The following PCDHGA5 variants were observed in gnomAD, a reference collection of about 807,000 sequenced individuals.
The protein encoded by PCDHGA5 is protocadherin gamma subfamily A, 5.
PCDHGA5 carries 36 observed loss-of-function variants against 56.7 expected under a neutral mutation model. The observed-to-expected ratio is 0.64, with a 90% CI of 0.49 to 0.84. PCDHGA5 has a LOEUF of 0.84. Ranked by LOEUF, PCDHGA5 falls within the 40% of genes least tolerant of loss-of-function variation. The probability of loss-of-function intolerance (pLI) is 0.00; values close to 1 mark genes in which losing one functional copy is unlikely to be tolerated. For synonymous variants in PCDHGA5, 563 were observed against 520.2 expected, an observed-to-expected ratio of 1.08 and a Z score of -1.12; for missense variants, 1,305 against 1,201.5, an observed-to-expected ratio of 1.09 and a Z score of -1.27.
At chr5:141,383,770 A>T (rs776707003) in intron 1 of PCDHGA5, 11 of 1,613,890 alleles carry the variant, frequency 6.8e-6, no homozygotes, top group Non-Finnish European at 8.5e-6. Flanking sequence ...ACTTCCAAAG[A>T]TGTTTCATCT....
chr5:141,480,137 A>G (rs1183663599), intron 1 of PCDHGA5, among the ~76,000 whole-genome samples: 2 of 152,096 alleles, frequency 1.3e-5, no homozygotes, highest in Non-Finnish European at 2.9e-5. Context: ...CTGTTAAACA[A>G]TTATTAGCCA....
At chr5:141,403,226 C>T (rs1329726577) in intron 1 of PCDHGA5, 1 of 1,613,926 alleles carries the variant, frequency 6.2e-7, no homozygotes, top group South Asian at 1.1e-5. Flanking sequence ...TAGGATAGAC[C>T]GGGAGGAGCT....
intron 1 of PCDHGA5, chr5:141,387,764 A>T: frequency 7.0e-7 from 1 of 1,430,464 alleles, no homozygotes; most frequent in Non-Finnish European, 9.3e-7. Context: ...AAAAAGAAGA[A>T]TTTTTTCTTG....
At chr5:141,443,344 G>T (rs1016738767) in intron 1 of PCDHGA5, among the ~76,000 whole-genome samples, 2 of 151,966 alleles carry the variant, frequency 1.3e-5, no homozygotes, top group African/African-American at 2.4e-5. Context: ...AATTAACAAG[G>T]TTTAGTGGTC....
Position 141,365,919 on chromosome 5 carries a change from TGTG to T in PCDHGA5, c.1591_1593del (p.Trp531del), listed in dbSNP as rs1195562378. ...TATGAGCAGTTGAGAGACCTACAGT[TGTG>T]GGTGACAGCCAGCGACAGTGGGAAC... On this transcript the variant is annotated inframe_deletion, in exon 1 of 4. Coordinates refer to ENST00000518069, the MANE Select transcript of PCDHGA5 (RefSeq NM_018918.3). 6.2e-7 allele frequency: 1 copy of T among 1,614,178 alleles called. No homozygotes were observed. The highest frequency in any genetic ancestry group is 2.2e-5 in the East Asian group (1 of 44,878).
chr5:141,503,777 G>A (rs2099830497), intron 2 of PCDHGA5, among the ~76,000 whole-genome samples: 1 of 152,074 alleles, frequency 6.6e-6, no homozygotes, highest in South Asian at 2.1e-4. Context: ...TCTGTTCTTA[G>A]GCTGAGTTCA....
At chr5:141,388,939 A>G in intron 1 of PCDHGA5, 1 of 1,613,984 alleles carries the variant, frequency 6.2e-7, no homozygotes, top group Non-Finnish European at 8.5e-7. Flanking sequence ...TCTCTACCCA[A>G]CCTAATTATG....
chr5:141,393,103 C>A lies in PCDHGA5; in HGVS notation c.2421+26352C>A, dbSNP rs776552182. On this transcript the variant is annotated intron_variant, in intron 1 of 3. Coordinates refer to ENST00000518069, the MANE Select transcript of PCDHGA5 (RefSeq NM_018918.3). ...AGGATAGATCGGGAGGAGCTCTGCGCTCAGAGCCCGCGGTGTCTGATAAAT... is the reference window on the plus strand; with the variant it reads ...AGGATAGATCGGGAGGAGCTCTGCGATCAGAGCCCGCGGTGTCTGATAAAT... The A allele has an allele frequency of 3.2e-5, 51 of 1,613,464 alleles. No homozygotes were observed. Among genetic ancestry groups the A allele is most frequent in the South Asian group, 1.5e-4 (14 of 91,088 alleles).
Position 141,490,911 on chromosome 5 carries a change from G to C in PCDHGA5, c.2422-3896G>C. On this transcript the variant is annotated intron_variant, in intron 1 of 3. Coordinates refer to ENST00000518069, the MANE Select transcript of PCDHGA5 (RefSeq NM_018918.3). The surrounding 1 kb of genome is among the most constrained non-coding windows in gnomAD (Gnocchi z 5.4). ...CTCTGCATGTGTTTGTCCTAGACGA[G>C]AATGATAATGCCCCAGCTGTGCTGC... is the stretch of plus-strand genomic sequence containing the variant. The C allele has an allele frequency of 6.2e-7, 1 of 1,613,722 alleles. No homozygotes were observed. Among genetic ancestry groups the C allele is most frequent in the East Asian group, 2.2e-5 (1 of 44,870 alleles).
intron 1 of PCDHGA5, chr5:141,370,526 C>A: frequency 1.2e-6 from 2 of 1,613,860 alleles, no homozygotes; most frequent in Non-Finnish European, 8.5e-7. Flanking sequence ...TGGACAGGGG[C>A]TCGCTGGTAG....
chr5:141,390,723 A>G (rs2092214355), intron 1 of PCDHGA5: 1 of 196,804 alleles, frequency 5.1e-6, no homozygotes, highest in Non-Finnish European at 1.0e-5. Context: ...TAACTAATTT[A>G]ACTGGTATGG....
intron 1 of PCDHGA5, chr5:141,382,738 C>A (rs1464522704): frequency 1.7e-6 from 1 of 572,972 alleles, no homozygotes; most frequent in East Asian, 2.8e-5. Context: ...CACAGAGAAA[C>A]GACAGATTGC....
intron 1 of PCDHGA5, among the ~76,000 whole-genome samples, chr5:141,437,623 T>G (rs887878119): frequency 3.3e-5 from 5 of 152,172 alleles, no homozygotes; most frequent in Non-Finnish European, 7.4e-5. Context: ...TATCCCCATA[T>G]AAGATGTCAG....
At chr5:141,399,854 GC>G (rs1416380474) in intron 1 of PCDHGA5, 1 of 1,612,786 alleles carries the variant, frequency 6.2e-7, no homozygotes, top group Admixed American at 1.7e-5. Context: ...ATGGTGCCGC[GC>G]GCTGCAGAGC....
In PCDHGA5 at chr5:141,387,468, A is replaced by G. The variant is rs190489292; in HGVS notation, c.2421+20717A>G. On this transcript the variant is annotated intron_variant, in intron 1 of 3. Transcript: ENST00000518069. ...TACATGATTTGCCTAAAAATCCTCA[A>G]AGTTGGGATGAAGGCATTCCTAAGA... Among the ~76,000 whole-genome samples the G allele has an allele frequency of 3.6e-3, 554 of 152,350 alleles. 1 individual carries two copies. Among genetic ancestry groups the G allele is most frequent in the Non-Finnish European group, 6.0e-3 (405 of 68,034 alleles).
chr5:141,417,211 T>C (rs1027777607), intron 1 of PCDHGA5: 1 of 152,174 alleles, frequency 6.6e-6, no homozygotes, highest in Admixed American at 6.5e-5. Context: ...TAGGCTAGAA[T>C]TGAAGACAAA....
intron 1 of PCDHGA5, chr5:141,409,747 C>T (rs771456718): frequency 1.2e-6 from 2 of 1,612,994 alleles, no homozygotes; most frequent in East Asian, 2.2e-5. Flanking sequence ...GGGTGGTGTT[C>T]GCGCAGCGCG....
intron 1 of PCDHGA5, chr5:141,404,337 C>T (rs766940096): frequency 5.0e-6 from 8 of 1,613,902 alleles, no homozygotes; most frequent in Admixed American, 1.7e-5. Flanking sequence ...GTCTACCTCC[C>T]GGAAAACAAC....
chr5:141,409,491 C>T (rs747701093), intron 1 of PCDHGA5: 3 of 1,613,994 alleles, frequency 1.9e-6, no homozygotes, highest in East Asian at 2.2e-5. Flanking sequence ...AGGGGCAAGC[C>T]GCCTCTTTCT....
Sources: allele counts gnomAD v4.1 joint callset (sites outside exome capture counted in the v4.1 genomes callset), GRCh38; gene constraint gnomAD v4.1.1; non-coding constraint Gnocchi (gnomAD v3.1); transcripts MANE v1.5; gene names NCBI Gene and HGNC (gene_info 2026-07-23, HGNC 2026-07-21).